The following PDS5A variants were observed in gnomAD, a reference collection of about 807,000 sequenced individuals.
PDS5A encodes sister chromatid cohesion protein PDS5 homolog A.
A neutral mutation model predicts 167.1 loss-of-function variants in PDS5A; 42 were observed. That is an observed-to-expected ratio of 0.25 (90% CI 0.20 to 0.33). PDS5A has a LOEUF of 0.33. Among genes scored for constraint, PDS5A ranks in the 10% least tolerant of loss-of-function variants. The probability of loss-of-function intolerance (pLI) is 1.00; values close to 1 mark genes in which losing one functional copy is unlikely to be tolerated. For synonymous variants in PDS5A, 553 were observed against 554.6 expected (o/e 1.00, Z 0.04); for missense variants, 1,033 against 1,605.9 (o/e 0.64, Z 6.10).
At chr4:39,943,177 C>G (rs1390948535) in intron 2 of PDS5A, among the ~76,000 whole-genome samples, 2 of 150,598 alleles carry the variant, frequency 1.3e-5, no homozygotes, top group Non-Finnish European at 3.0e-5. Context: ...CACGCACGCA[C>G]ACATATATAC....
chr4:39,975,938 T>C (rs997394886), intron 2 of PDS5A, among the ~76,000 whole-genome samples: 4 of 152,234 alleles, frequency 2.6e-5, no homozygotes, highest in African/African-American at 7.2e-5. Context: ...TTTGAACGTA[T>C]AGACTTAAAT....
Position 39,866,869 on chromosome 4 carries a change from C to T in PDS5A, c.2634G>A (p.Lys878=), listed in dbSNP as rs1393040813. 1.2e-6 allele frequency: 2 copies of T among 1,610,480 alleles called. No homozygotes were observed. Among genetic ancestry groups the T allele is most frequent in the Non-Finnish European group, 8.5e-7 (1 of 1,178,804 alleles). Residue 878 remains lysine (K), a synonymous_variant, in exon 23 of 33, where the codon AAG becomes AAA. Coordinates refer to ENST00000303538, the MANE Select transcript of PDS5A (RefSeq NM_001100399.2). Reference sequence around the variant, plus strand: ...AGAAAGAAAAATCTCACCTGATCCTCTTTTGCTCTGTCAGGTCACCCTCAC... The same window carrying T: ...AGAAAGAAAAATCTCACCTGATCCTTTTTTGCTCTGTCAGGTCACCCTCAC... ...LVSEGDLTEQ[K]RISKSDMSRL...
At chr4:39,838,311 G>T in intron 31 of PDS5A, 103 bp from the exon 32 acceptor site, 1 of 866,466 alleles carries the variant, frequency 1.2e-6, no homozygotes, top group Non-Finnish European at 1.7e-6. Flanking sequence ...GTCTGGATTT[G>T]AGGGCTTCCA....
At chr4:39,971,300 C>T (rs937261964) in intron 2 of PDS5A, among the ~76,000 whole-genome samples, 2 of 151,882 alleles carry the variant, frequency 1.3e-5, no homozygotes, top group African/African-American at 2.4e-5. Context: ...GGACTACAGG[C>T]CCCGCCACCA....
intron 2 of PDS5A, 81 bp downstream of exon 2, chr4:39,976,359 A>G: frequency 8.2e-7 from 1 of 1,223,528 alleles, no homozygotes; most frequent in Non-Finnish European, 1.1e-6. Context: ...TGGAACTTTA[A>G]AGGCCAGACT....
At chr4:39,968,845 G>A (rs1048346773) in intron 2 of PDS5A, among the ~76,000 whole-genome samples, 6 of 150,748 alleles carry the variant, frequency 4.0e-5, no homozygotes, top group Non-Finnish European at 7.4e-5. Context: ...GCGTGATCTC[G>A]GCTCACTGCA....
intron 2 of PDS5A, among the ~76,000 whole-genome samples, chr4:39,968,660 G>A (rs984265959): frequency 2.0e-5 from 3 of 151,658 alleles, no homozygotes; most frequent in African/African-American, 7.3e-5. Context: ...TCGAACTCCC[G>A]ACCTCAGGTG....
chr4:39,920,115 T>C (rs555112527), intron 7 of PDS5A, among the ~76,000 whole-genome samples: 5 of 152,240 alleles, frequency 3.3e-5, no homozygotes, highest in African/African-American at 9.6e-5. Flanking sequence ...GGATGGGAGT[T>C]GCAGACGACT....
chr4:39,891,914 G>C (rs930417679), intron 16 of PDS5A, among the ~76,000 whole-genome samples: 1 of 151,880 alleles, frequency 6.6e-6, no homozygotes, highest in African/African-American at 2.4e-5. Flanking sequence ...TTTGACACCA[G>C]TCTGGAAAAC....
chr4:39,967,085 A>T (rs1426342636), intron 2 of PDS5A, among the ~76,000 whole-genome samples: 3 of 152,056 alleles, frequency 2.0e-5, no homozygotes, highest in Non-Finnish European at 4.4e-5. Flanking sequence ...TGGGTGGATC[A>T]CTTGAGGTCA....
intron 2 of PDS5A, among the ~76,000 whole-genome samples, chr4:39,974,836 A>T (rs1730925444): frequency 6.6e-6 from 1 of 152,146 alleles, no homozygotes; most frequent in African/African-American, 2.4e-5. Flanking sequence ...AGGGGCTGGG[A>T]GCAGTGGCTC....
intron 11 of PDS5A, among the ~76,000 whole-genome samples, chr4:39,904,825 C>G (rs1723192525): frequency 6.6e-6 from 1 of 152,118 alleles, no homozygotes; most frequent in South Asian, 2.1e-4. Flanking sequence ...TTTTTTATTT[C>G]CCTTGAAAAC....
In PDS5A at chr4:39,883,689, G is replaced by A. The variant is rs571500167; in HGVS notation, c.1887-3856C>T. Among the ~76,000 whole-genome samples, 6 of 152,212 alleles carry A rather than the reference G, an allele frequency of 3.9e-5. No individual in the cohort carries two copies. The South Asian group carries it at 1.0e-3, about 26-fold the overall frequency. Reference sequence around the variant, plus strand: ...CTCATTCTGTTGCCCAGGAGAGAGTGAAGTGCCGTGATCTCAGCTCACTGC... The same window carrying A: ...CTCATTCTGTTGCCCAGGAGAGAGTAAAGTGCCGTGATCTCAGCTCACTGC... On this transcript the variant is annotated intron_variant, in intron 17 of 32. Transcript: ENST00000303538.
At chr4:39,844,085 G>A (rs1339212481) in intron 30 of PDS5A, among the ~76,000 whole-genome samples, 1 of 152,122 alleles carries the variant, frequency 6.6e-6, no homozygotes, top group Non-Finnish European at 1.5e-5. Flanking sequence ...AGGAGTCTGA[G>A]GCTGCGGTGA....
intron 30 of PDS5A, among the ~76,000 whole-genome samples, chr4:39,843,623 G>A (rs1223928495): frequency 6.6e-6 from 1 of 152,124 alleles, no homozygotes. Context: ...AGAATCACTT[G>A]AAACCAGGAG....
intron 17 of PDS5A, among the ~76,000 whole-genome samples, chr4:39,881,984 T>C (rs915236110): frequency 3.3e-5 from 5 of 152,190 alleles, no homozygotes; most frequent in Non-Finnish European, 7.3e-5. Context: ...CTCTCTTGCC[T>C]GTCACCATGT....
intron 7 of PDS5A, among the ~76,000 whole-genome samples, chr4:39,919,388 G>T (rs1265099459): frequency 1.3e-5 from 2 of 152,230 alleles, no homozygotes; most frequent in African/African-American, 4.8e-5. Context: ...GCTCACGCCT[G>T]TAATCCCAGC....
intron 21 of PDS5A, among the ~76,000 whole-genome samples, chr4:39,870,859 A>G (rs1160378492): frequency 6.6e-6 from 1 of 152,198 alleles, no homozygotes; most frequent in Non-Finnish European, 1.5e-5. Flanking sequence ...GAACAGGAAC[A>G]TAAATGTTTA....
chr4:39,835,342 G>A (rs1267709340), intron 32 of PDS5A, among the ~76,000 whole-genome samples: 1 of 152,130 alleles, frequency 6.6e-6, no homozygotes, highest in Admixed American at 6.5e-5. Flanking sequence ...TCTACTACTA[G>A]CATATTTAAG....
Sources: gnomAD v4.1 joint callset for allele counts (sites outside exome capture counted in the v4.1 genomes callset) on GRCh38, gnomAD v4.1.1 for gene constraint, MANE v1.5 for transcripts, NCBI Gene and HGNC (gene_info 2026-07-23, HGNC 2026-07-21) for gene names.